The following NFATC2 variants were observed in gnomAD, a reference collection of about 807,000 sequenced individuals.
NFATC2 encodes the protein nuclear factor of activated T-cells, cytoplasmic 2.
A neutral mutation model predicts 87.3 loss-of-function variants in NFATC2; 22 were observed. The ratio of observed to expected loss-of-function variants is 0.25; its 90% CI spans 0.18 to 0.36. The LOEUF is 0.36. Among genes scored for constraint, NFATC2 ranks in the 10% least tolerant of loss-of-function variants. The pLI, the probability that NFATC2 is intolerant of heterozygous loss-of-function variation, is 1.00. For synonymous variants in NFATC2, 565 were observed against 542.2 expected (o/e 1.04, Z -0.58); for missense variants, 1,149 against 1,259.1 (o/e 0.91, Z 1.32).
At chr20:51,401,213 T>C (rs1317985038) in intron 9 of NFATC2, among the ~76,000 whole-genome samples, 1 of 150,538 alleles carries the variant, frequency 6.6e-6, no homozygotes, top group Non-Finnish European at 1.5e-5. Flanking sequence ...CTACTAAAAA[T>C]ACAAAAATTA....
chr20:51,554,109 C>T (rs1485244375), intron 1 of NFATC2, among the ~76,000 whole-genome samples: 2 of 152,098 alleles, frequency 1.3e-5, no homozygotes, highest in Non-Finnish European at 2.9e-5. Context: ...CTCCCATCCG[C>T]ACAACTAAAC....
At chr20:51,421,839 C>T (rs1980971783) in intron 9 of NFATC2, among the ~76,000 whole-genome samples, 1 of 151,994 alleles carries the variant, frequency 6.6e-6, no homozygotes, top group Non-Finnish European at 1.5e-5. Context: ...GTTGGCCGCT[C>T]CTTTTCCAAG....
intron 9 of NFATC2, among the ~76,000 whole-genome samples, chr20:51,413,719 T>C (rs2146280065): frequency 6.6e-6 from 1 of 152,304 alleles, no homozygotes; most frequent in East Asian, 1.9e-4. Context: ...GTGGCACCAG[T>C]GCACTCCAGC....
chr20:51,546,911 A>G (rs1384407819), upstream of NFATC2, among the ~76,000 whole-genome samples: 1 of 152,170 alleles, frequency 6.6e-6, no homozygotes, highest in Admixed American at 6.5e-5. Flanking sequence ...GAGTATGTGT[A>G]AAGGCTCTGA....
In NFATC2 at chr20:51,524,022, G is replaced by T. The variant is rs1271554083; in HGVS notation, c.219C>A (p.Ser73Arg). Residue 73 changes from serine (S) to arginine (R), a missense_variant, in exon 2 of 11, where the codon AGC (serine) becomes AGA (arginine). Ser to Arg is a moderately radical substitution (Grantham distance 110). Coordinates refer to ENST00000371564, the MANE Select transcript of NFATC2 (RefSeq NM_012340.5). This position sits in a 1 kb window ranked among gnomAD's most constrained non-coding sequence, Gnocchi z 4.0. ...DVLDYGLKPY[S>R]PLASLSGEPP... The stretch of plus-strand genomic sequence containing the variant: ...GCTCGCCAGAGAGACTAGCAAGGGG[G>T]CTGTATGGCTTGAGGCCATAGTCCA... 1 of 1,554,520 alleles carries T rather than the reference G, an allele frequency of 6.4e-7. No individual in the cohort carries two copies. Among genetic ancestry groups the T allele is most frequent in the Admixed American group, 2.2e-5 (1 of 45,404 alleles).
intron 6 of NFATC2, among the ~76,000 whole-genome samples, chr20:51,439,252 C>T (rs373424862): frequency 3.3e-5 from 5 of 152,296 alleles, no homozygotes; most frequent in East Asian, 1.9e-4. Flanking sequence ...CTAAGCACCT[C>T]GTATACATGG....
At chr20:51,543,929 C>G (rs1354512297), upstream of NFATC2, among the ~76,000 whole-genome samples, 2 of 150,604 alleles carry the variant, frequency 1.3e-5, no homozygotes, top group Admixed American at 6.6e-5. Context: ...CCTTTTTAAA[C>G]TCCCGTGCTG....
At chr20:51,521,920 GA>G (rs35905392) in intron 2 of NFATC2, among the ~76,000 whole-genome samples, 6,933 of 152,026 alleles carry the variant, frequency 0.046, 188 homozygotes, top group South Asian at 0.068. Flanking sequence ...AAAACATTCA[GA>G]AAAAAAATTC....
intron 3 of NFATC2, among the ~76,000 whole-genome samples, chr20:51,488,498 G>T (rs776049073): frequency 4.0e-5 from 6 of 151,882 alleles, no homozygotes; most frequent in Non-Finnish European, 8.8e-5. Flanking sequence ...CAACTGTGAT[G>T]CACAAAAAAG....
chr20:51,492,676 C>A (rs974906769), intron 3 of NFATC2, among the ~76,000 whole-genome samples: 1 of 152,236 alleles, frequency 6.6e-6, no homozygotes, highest in Non-Finnish European at 1.5e-5. Context: ...ATGGGCTCCC[C>A]GCTCCAGCCC....
At chr20:51,545,819 G>A (rs1222666118), upstream of NFATC2, among the ~76,000 whole-genome samples, 2 of 152,152 alleles carry the variant, frequency 1.3e-5, no homozygotes, top group Non-Finnish European at 2.9e-5. Context: ...ATGAATGAAA[G>A]ATACATGGAT....
intron 2 of NFATC2, among the ~76,000 whole-genome samples, chr20:51,522,792 C>A (rs1454001525): frequency 6.6e-6 from 1 of 152,158 alleles, no homozygotes; most frequent in African/African-American, 2.4e-5. Flanking sequence ...TTGAAAAACA[C>A]TTTTTGAATA....
intron 5 of NFATC2, among the ~76,000 whole-genome samples, chr20:51,466,498 T>G (rs1430303485): frequency 8.9e-6 from 1 of 112,594 alleles, no homozygotes; most frequent in Non-Finnish European, 2.2e-5. Context: ...AATCTTTTGC[T>G]TTCAGGAAAA....
intron 9 of NFATC2, among the ~76,000 whole-genome samples, chr20:51,409,055 T>C (rs2146265525): frequency 6.6e-6 from 1 of 152,322 alleles, no homozygotes; most frequent in Middle Eastern, 3.4e-3. Context: ...ACCAGCTAAG[T>C]GAAAAAATTT....
chr20:51,393,095 A>T (rs189148081), intron 10 of NFATC2, among the ~76,000 whole-genome samples: 4 of 152,174 alleles, frequency 2.6e-5, no homozygotes, highest in Admixed American at 2.6e-4. Flanking sequence ...TAAAATCCCC[A>T]TGCTTCATGT....
rs538370445 is a variant in NFATC2 at position 51,559,377 on chromosome 20, G to A, written c.70+3183C>T. Among the ~76,000 whole-genome samples the A allele has an allele frequency of 2.6e-5, 4 of 152,286 alleles. No homozygotes were observed. In the East Asian group the frequency reaches 5.8e-4, roughly 22 times the overall value. ...CTTCCAGCATATGTCAGGGAACAAC[G>A]TGGTATTGGGGAAAGATCCCAGAAC... On this transcript the variant is annotated intron_variant, in intron 1 of 10. Coordinates refer to the NFATC2 transcript ENST00000414705.
At chr20:51,553,014 T>G (rs2076946958) in intron 1 of NFATC2, among the ~76,000 whole-genome samples, 2 of 152,046 alleles carry the variant, frequency 1.3e-5, no homozygotes, top group Admixed American at 1.3e-4. Context: ...CTCCTCCCTG[T>G]GTCCATGTCG....
intron 1 of NFATC2, among the ~76,000 whole-genome samples, chr20:51,553,515 A>G (rs1568759489): frequency 6.6e-6 from 1 of 152,176 alleles, no homozygotes; most frequent in South Asian, 2.1e-4. Context: ...CTCTACTAAA[A>G]ATACAAAAAA....
At chr20:51,398,803 C>T in intron 9 of NFATC2, 73 bp from the exon 10 acceptor site, 4 of 1,044,920 alleles carry the variant, frequency 3.8e-6, no homozygotes, top group Non-Finnish European at 5.9e-6. Flanking sequence ...ACGCTTCCAA[C>T]TCATGCCGAT....
Sources: allele counts gnomAD v4.1 joint callset (sites outside exome capture counted in the v4.1 genomes callset), GRCh38; gene constraint gnomAD v4.1.1; non-coding constraint Gnocchi (gnomAD v3.1); transcripts MANE v1.5; gene names NCBI Gene and HGNC (gene_info 2026-07-23, HGNC 2026-07-21).